The following ZC3H12B variants were observed in gnomAD, a reference collection of about 807,000 sequenced individuals.
The protein encoded by ZC3H12B is zinc finger CCCH-type containing 12B.
A neutral mutation model predicts 43.9 loss-of-function variants in ZC3H12B; 7 were observed. The observed-to-expected ratio is 0.16, with a 90% CI of 0.09 to 0.30. ZC3H12B has a LOEUF of 0.30. ZC3H12B is among the 10% of genes least tolerant of loss of function. The probability of loss-of-function intolerance (pLI) is 1.00; values close to 1 mark genes in which losing one functional copy is unlikely to be tolerated. For missense variants in ZC3H12B, 475 were observed against 670.2 expected (o/e 0.71, Z 3.22); for synonymous variants, 222 against 241.7 (o/e 0.92, Z 0.76).
intron 3 of ZC3H12B, among the ~76,000 whole-genome samples, chrX:65,401,935 C>G (rs1297957936): frequency 3.6e-5 from 4 of 112,003 alleles, no homozygotes; most frequent in African/African-American, 1.3e-4. Flanking sequence ...CATCAAGGGC[C>G]TTGAGCAAGC....
At chrX:65,182,203 G>A in the ZC3H12B span, among the ~76,000 whole-genome samples, 5 of 111,185 alleles carry the variant, frequency 4.5e-5, no homozygotes, top group Non-Finnish European at 9.4e-5. Flanking sequence ...GTTGAACAAT[G>A]AGAACACATG....
chrX:65,193,501 A>T, the ZC3H12B span, among the ~76,000 whole-genome samples: 1 of 111,114 alleles, frequency 9.0e-6, no homozygotes, highest in African/African-American at 3.3e-5. Context: ...TTTATCTCTA[A>T]TTTTATTTAT....
the ZC3H12B span, among the ~76,000 whole-genome samples, chrX:65,303,777 T>C: frequency 8.9e-6 from 1 of 112,461 alleles, no homozygotes; most frequent in Non-Finnish European, 1.9e-5. Flanking sequence ...ATTTTAAAAG[T>C]CAATACTGTT....
chrX:65,325,662 T>C, the ZC3H12B span, among the ~76,000 whole-genome samples: 4 of 111,633 alleles, frequency 3.6e-5, no homozygotes, highest in East Asian at 8.4e-4. Flanking sequence ...TTTTTTCAAA[T>C]GTTTATACCA....
chrX:65,388,223 T>A (rs1198066076), intron 2 of ZC3H12B, among the ~76,000 whole-genome samples: 2 of 112,293 alleles, frequency 1.8e-5, no homozygotes, highest in Non-Finnish European at 3.8e-5. Flanking sequence ...CTGGATAATA[T>A]CCTGCAGAGT....
chrX:65,219,948 G>T, the ZC3H12B span, among the ~76,000 whole-genome samples: 6 of 110,674 alleles, frequency 5.4e-5, no homozygotes, highest in Non-Finnish European at 7.6e-5. Context: ...TTTAACAGTT[G>T]TGAGGCAAAT....
chrX:65,206,399 C>T, the ZC3H12B span, among the ~76,000 whole-genome samples: 1 of 111,741 alleles, frequency 8.9e-6, no homozygotes, highest in African/African-American at 3.3e-5. Context: ...GCAACAAAAA[C>T]ATAAAGTAGG....
intron 2 of ZC3H12B, among the ~76,000 whole-genome samples, chrX:65,377,388 G>GA (rs758181004): frequency 2.5e-4 from 27 of 109,970 alleles, no homozygotes; most frequent in African/African-American, 6.0e-4. Context: ...CAAACCTGGG[G>GA]AAAAAAATCG....
At chrX:65,149,633 G>A in the ZC3H12B span, among the ~76,000 whole-genome samples, 18 of 107,986 alleles carry the variant, frequency 1.7e-4, no homozygotes, top group South Asian at 5.3e-3. Flanking sequence ...GCATGATGGC[G>A]GGCACCTGTA....
the ZC3H12B span, among the ~76,000 whole-genome samples, chrX:65,301,464 A>G: frequency 9.0e-6 from 1 of 111,602 alleles, no homozygotes; most frequent in African/African-American, 3.3e-5. Flanking sequence ...GGATAAAGAA[A>G]ATTATATATA....
chrX:65,334,274 T>A, the ZC3H12B span, among the ~76,000 whole-genome samples: 1 of 112,106 alleles, frequency 8.9e-6, no homozygotes, highest in Non-Finnish European at 1.9e-5. Context: ...CTCCTTTAAC[T>A]TTAGCTAATA....
the ZC3H12B span, among the ~76,000 whole-genome samples, chrX:65,345,384 A>T: frequency 1.8e-5 from 2 of 112,252 alleles, no homozygotes; most frequent in Admixed American, 9.5e-5. Context: ...GAATGAGATC[A>T]TGTCATTTGC....
chrX:65,392,975 A>G (rs2066646108), intron 2 of ZC3H12B, among the ~76,000 whole-genome samples: 1 of 111,924 alleles, frequency 8.9e-6, no homozygotes, highest in Non-Finnish European at 1.9e-5. Flanking sequence ...AACATGTGCT[A>G]TGTCAACTCA....
chrX:65,154,251 T>C, the ZC3H12B span, among the ~76,000 whole-genome samples: 1 of 111,269 alleles, frequency 9.0e-6, no homozygotes, highest in African/African-American at 3.3e-5. Flanking sequence ...TTTAAAAAAA[T>C]AAATTAAAAA....
At chrX:65,294,302 G>A in the ZC3H12B span, among the ~76,000 whole-genome samples, 11 of 111,512 alleles carry the variant, frequency 9.9e-5, no homozygotes, top group Non-Finnish European at 2.1e-4. Flanking sequence ...GAAAACAAAT[G>A]CTGAAAGAAT....
chrX:65,227,932 A>C, the ZC3H12B span, among the ~76,000 whole-genome samples: 13 of 111,942 alleles, frequency 1.2e-4, no homozygotes, highest in Non-Finnish European at 1.9e-5. Flanking sequence ...AGATGGATTC[A>C]CAGCCGAATT....
intron 3 of ZC3H12B, among the ~76,000 whole-genome samples, chrX:65,399,012 T>C (rs2066733936): frequency 8.9e-6 from 1 of 112,257 alleles, no homozygotes; most frequent in South Asian, 3.7e-4. Context: ...TCTCACCATA[T>C]ACAAAAGTCA....
chrX:65,437,315 C>A (rs2067233228), intron 3 of ZC3H12B, among the ~76,000 whole-genome samples: 1 of 111,769 alleles, frequency 8.9e-6, no homozygotes, highest in Non-Finnish European at 1.9e-5. Flanking sequence ...CCCTTCCCAA[C>A]CCCTGATAAT....
chrX:65,500,257 T>A (rs1293205836), intron 4 of ZC3H12B, among the ~76,000 whole-genome samples: 1 of 112,522 alleles, frequency 8.9e-6, no homozygotes, highest in East Asian at 2.8e-4. Flanking sequence ...AGTCCTGAAC[T>A]ATGTTGCTGG....
Sources: allele counts gnomAD v4.1 joint callset (sites outside exome capture counted in the v4.1 genomes callset), GRCh38; gene constraint gnomAD v4.1.1; transcripts MANE v1.5; gene names NCBI Gene and HGNC (gene_info 2026-07-23, HGNC 2026-07-21).